WWOX: variants seen among roughly 807,000 people sequenced by gnomAD.
The protein encoded by WWOX is WW domain containing oxidoreductase.
In WWOX, 69 loss-of-function variants were observed where a neutral mutation model predicts 46.2. That is an observed-to-expected ratio of 1.49 (90% CI 1.23 to 1.82). WWOX has a LOEUF of 1.82. Among genes scored for constraint, WWOX ranks in the 40% most tolerant of loss-of-function variants. The pLI is 0.00. For synonymous variants in WWOX, 359 were observed against 202.6 expected, an observed-to-expected ratio of 1.77 and a Z score of -6.56; for missense variants, 919 against 542.6, an observed-to-expected ratio of 1.69 and a Z score of -6.89.
intron 5 of WWOX, among the ~76,000 whole-genome samples, chr16:78,201,586 T>C (rs2151776004): frequency 6.6e-6 from 1 of 152,308 alleles, no homozygotes. Flanking sequence ...CCTACCAGGT[T>C]GTGTTTGTGG....
At chr16:78,542,708 A>G (rs958649276) in intron 8 of WWOX, among the ~76,000 whole-genome samples, 35 of 152,234 alleles carry the variant, frequency 2.3e-4, no homozygotes, top group African/African-American at 5.5e-4. Flanking sequence ...CAATTCTTCT[A>G]TCAGCCCTCT....
chr16:78,919,616 C>G (rs867708558), intron 8 of WWOX, among the ~76,000 whole-genome samples: 1 of 148,614 alleles, frequency 6.7e-6, no homozygotes, highest in Admixed American at 6.8e-5. Flanking sequence ...CTCCCGGGAT[C>G]AAGCGATTCT....
At chr16:78,803,301 C>T (rs975924283) in intron 8 of WWOX, among the ~76,000 whole-genome samples, 112 of 151,380 alleles carry the variant, frequency 7.4e-4, no homozygotes, top group Admixed American at 1.4e-3. Context: ...GTAGTGGCTT[C>T]GCAGAGTATT....
At chr16:78,715,269 A>C (rs2048534237) in intron 8 of WWOX, among the ~76,000 whole-genome samples, 1 of 152,186 alleles carries the variant, frequency 6.6e-6, no homozygotes, top group Non-Finnish European at 1.5e-5. Context: ...TTTCTTGCTG[A>C]ATAAGAAGCT....
chr16:78,493,073 C>T (rs537835139), intron 8 of WWOX, among the ~76,000 whole-genome samples: 1 of 152,112 alleles, frequency 6.6e-6, no homozygotes, highest in Non-Finnish European at 1.5e-5. Context: ...CAGACTAGCC[C>T]CCTGTACAGC....
chr16:78,199,333 AAACAAACAAACT>A (rs1444273530), intron 5 of WWOX, among the ~76,000 whole-genome samples: 1 of 151,920 alleles, frequency 6.6e-6, no homozygotes, highest in Non-Finnish European at 1.5e-5. Context: ...ACAAACAAAC[AAACAAACAAACT>A]AAGAACAACA....
intron 5 of WWOX, among the ~76,000 whole-genome samples, chr16:78,288,489 A>G (rs1224437158): frequency 7.2e-5 from 11 of 152,100 alleles, no homozygotes; most frequent in Admixed American, 5.2e-4. Context: ...GGAAAGAGCA[A>G]GCTTCTTCCC....
chr16:78,450,028 T>TAA (rs553786488), intron 8 of WWOX, among the ~76,000 whole-genome samples: 1 of 150,150 alleles, frequency 6.7e-6, no homozygotes, highest in African/African-American at 2.5e-5. Flanking sequence ...AGCAGGAAGC[T>TAA]AAAAAAAATA....
At chr16:79,166,724 C>T (rs2050601805) in intron 8 of WWOX, among the ~76,000 whole-genome samples, 1 of 152,204 alleles carries the variant, frequency 6.6e-6, no homozygotes, top group Non-Finnish European at 1.5e-5. Context: ...CTACCACTTC[C>T]AGCACCTGCT....
intron 8 of WWOX, among the ~76,000 whole-genome samples, chr16:78,834,886 T>A (rs1212136587): frequency 6.6e-6 from 1 of 150,756 alleles, no homozygotes; most frequent in Non-Finnish European, 1.5e-5. Flanking sequence ...AATGACTGTT[T>A]GTAATAATCA....
At chr16:78,706,986 A>G (rs1158225270) in intron 8 of WWOX, among the ~76,000 whole-genome samples, 1 of 152,170 alleles carries the variant, frequency 6.6e-6, no homozygotes, top group African/African-American at 2.4e-5. Context: ...GAAGTGAATC[A>G]GTCAGTTGCC....
At chr16:79,160,527 C>G (rs1222182454) in intron 8 of WWOX, among the ~76,000 whole-genome samples, 1 of 152,164 alleles carries the variant, frequency 6.6e-6, no homozygotes, top group Non-Finnish European at 1.5e-5. Context: ...AATGATGTAA[C>G]CTACTTGAAA....
intron 4 of WWOX, among the ~76,000 whole-genome samples, chr16:78,134,011 G>T (rs1847718318): frequency 6.6e-6 from 1 of 152,182 alleles, no homozygotes; most frequent in African/African-American, 2.4e-5. Flanking sequence ...TTTCTTCAAT[G>T]TACCTAGACT....
intron 8 of WWOX, among the ~76,000 whole-genome samples, chr16:78,889,037 G>A (rs577183310): frequency 5.3e-4 from 80 of 151,798 alleles, no homozygotes; most frequent in African/African-American, 1.7e-3. Flanking sequence ...ATCCCATCCC[G>A]GCTGACTTCT....
intron 1 of WWOX, among the ~76,000 whole-genome samples, chr16:78,105,353 T>G (rs1316705479): frequency 1.3e-5 from 2 of 151,918 alleles, no homozygotes; most frequent in Admixed American, 1.3e-4. Flanking sequence ...TCCTAGCTAC[T>G]CAGGCTGAGG....
intron 5 of WWOX, among the ~76,000 whole-genome samples, chr16:78,174,306 G>C (rs189268106): frequency 2.0e-5 from 3 of 152,200 alleles, no homozygotes; most frequent in East Asian, 1.9e-4. Flanking sequence ...GAAACTGCCT[G>C]ATAAACCCAT....
At chr16:78,596,907 C>G (rs1428037280) in intron 8 of WWOX, among the ~76,000 whole-genome samples, 4 of 152,102 alleles carry the variant, frequency 2.6e-5, no homozygotes, top group African/African-American at 9.7e-5. Context: ...CAAAGCAAGC[C>G]CCACACTCTC....
At chr16:78,394,341 A>T (rs1467003550) in intron 6 of WWOX, among the ~76,000 whole-genome samples, 2 of 152,122 alleles carry the variant, frequency 1.3e-5, no homozygotes, top group Non-Finnish European at 2.9e-5. Context: ...CTTAATTATG[A>T]TTTTTTAAGG....
intron 5 of WWOX, among the ~76,000 whole-genome samples, chr16:78,249,670 T>C (rs1442402598): frequency 6.6e-6 from 1 of 152,224 alleles, no homozygotes; most frequent in Non-Finnish European, 1.5e-5. Context: ...AAAATGTTTT[T>C]GTATAAACTT....
Sources: gnomAD v4.1 joint callset for allele counts (sites outside exome capture counted in the v4.1 genomes callset) on GRCh38, gnomAD v4.1.1 for gene constraint, MANE v1.5 for transcripts, NCBI Gene and HGNC (gene_info 2026-07-23, HGNC 2026-07-21) for gene names.